ADGRB3: variants seen among roughly 807,000 people sequenced by gnomAD.
ADGRB3 encodes brain-specific angiogenesis inhibitor 3.
In ADGRB3, 37 loss-of-function variants were observed where a neutral mutation model predicts 193.4. The ratio of observed to expected loss-of-function variants is 0.19; its 90% CI spans 0.15 to 0.25. The LOEUF (loss-of-function observed/expected upper bound fraction) is 0.25. Among genes scored for constraint, ADGRB3 ranks in the 10% least tolerant of loss-of-function variants. The pLI is 1.00. For missense variants in ADGRB3, 1,637 were observed against 1,852.9 expected (o/e 0.88, Z 2.14); for synonymous variants, 690 against 644.2 (o/e 1.07, Z -1.08).
rs750305448 is a variant in ADGRB3, at chr6:69,219,843, T to G, written c.2481-13447T>G. ...ATTTTACATCCTTTACCTTAAATAATAATATAAACTATATTGTGCTATATG... is the reference window on the plus strand; with the variant it reads ...ATTTTACATCCTTTACCTTAAATAAGAATATAAACTATATTGTGCTATATG... On this transcript the variant is annotated intron_variant, in intron 17 of 31. Transcript: ENST00000370598. Among the ~76,000 whole-genome samples, 18 of 151,984 alleles carry G rather than the reference T, an allele frequency of 1.2e-4. 1 individual carries two copies. Among genetic ancestry groups the G allele is most frequent in the Admixed American group, 9.2e-4 (14 of 15,222 alleles).
chr6:68,762,224 T>C (rs903598777), intron 3 of ADGRB3, among the ~76,000 whole-genome samples: 6 of 152,150 alleles, frequency 3.9e-5, no homozygotes, highest in African/African-American at 1.2e-4. Context: ...TTCCCCCTTC[T>C]TTTTCTCCCT....
intron 3 of ADGRB3, among the ~76,000 whole-genome samples, chr6:68,761,969 T>G (rs1766401913): frequency 6.6e-6 from 1 of 152,162 alleles, no homozygotes; most frequent in Non-Finnish European, 1.5e-5. Context: ...CATATAATGA[T>G]TTAAACCATA....
chr6:68,983,365 C>T (rs1768981244), intron 10 of ADGRB3, among the ~76,000 whole-genome samples: 1 of 151,234 alleles, frequency 6.6e-6, no homozygotes, highest in Non-Finnish European at 1.5e-5. Flanking sequence ...TTTGAAGTGT[C>T]TTCACGGCCA....
chr6:69,234,106 A>G (rs915747247), intron 18 of ADGRB3, among the ~76,000 whole-genome samples: 1 of 152,206 alleles, frequency 6.6e-6, no homozygotes, highest in African/African-American at 2.4e-5. Flanking sequence ...TATTCTGCCT[A>G]CATTTGGCCT....
At chr6:69,166,262 T>A (rs1775130683) in intron 17 of ADGRB3, among the ~76,000 whole-genome samples, 1 of 152,024 alleles carries the variant, frequency 6.6e-6, no homozygotes, top group African/African-American at 2.4e-5. Flanking sequence ...TTCAGCAGGT[T>A]CGTAGCTCGA....
rs574230581 is a variant in ADGRB3, at chr6:68,917,820, T to C, written c.758-12739T>C. 2.0e-5 allele frequency among the ~76,000 whole-genome samples: 3 copies of C among 152,304 alleles called. No individual in the cohort carries two copies. In the South Asian group the frequency reaches 6.2e-4, roughly 32 times the overall value. ...AAATAAAGACCACTACTAATTGATA[T>C]GCAATTCAAAAGTTCTGAATTCCAT... On this transcript the variant is annotated intron_variant, in intron 3 of 31. Coordinates refer to ENST00000370598, the MANE Select transcript of ADGRB3 (RefSeq NM_001704.3).
intron 17 of ADGRB3, among the ~76,000 whole-genome samples, chr6:69,224,360 T>C (rs991773381): frequency 2.0e-5 from 3 of 152,234 alleles, no homozygotes; most frequent in East Asian, 3.9e-4. Context: ...TGTGCTCTAT[T>C]TTAGTTAAAT....
chr6:68,684,161 G>T (rs952267841), intron 3 of ADGRB3, among the ~76,000 whole-genome samples: 1 of 152,184 alleles, frequency 6.6e-6, no homozygotes, highest in South Asian at 2.1e-4. Flanking sequence ...CAGTCATAGT[G>T]TCCTAGAATT....
At chr6:69,215,193 T>C (rs1395281648) in intron 17 of ADGRB3, among the ~76,000 whole-genome samples, 1 of 152,100 alleles carries the variant, frequency 6.6e-6, no homozygotes, top group East Asian at 1.9e-4. Flanking sequence ...AGAGATACGA[T>C]TGGATTTTGA....
At position 68,644,187 on chromosome 6, in the gene ADGRB3, A is replaced by T. The variant is rs143473616; in HGVS notation, c.757+4755A>T. Among the ~76,000 whole-genome samples the T allele has an allele frequency of 7.6e-4, 116 of 152,232 alleles. 1 individual carries two copies. The highest frequency in any genetic ancestry group is 2.7e-3 in the African/African-American group (111 of 41,582). ...CAGAAGTACATGACTTTGGGAAAGC[A>T]TCTACCTTTTACTTACACCTTTATT... On this transcript the variant is annotated intron_variant, in intron 3 of 31. Coordinates refer to ENST00000370598, the MANE Select transcript of ADGRB3 (RefSeq NM_001704.3).
intron 3 of ADGRB3, among the ~76,000 whole-genome samples, chr6:68,783,530 G>A (rs919592751): frequency 4.0e-5 from 6 of 151,680 alleles, no homozygotes; most frequent in Non-Finnish European, 7.4e-5. Flanking sequence ...CATAAGGGCA[G>A]AATATCAGTA....
intron 3 of ADGRB3, among the ~76,000 whole-genome samples, chr6:68,824,732 T>A (rs183771466): frequency 8.4e-4 from 126 of 150,790 alleles, no homozygotes; most frequent in African/African-American, 2.9e-3. Flanking sequence ...TTTTTCCCCC[T>A]AATCTTCTGT....
At chr6:69,128,089 C>A (rs1042104641) in intron 17 of ADGRB3, among the ~76,000 whole-genome samples, 2 of 152,084 alleles carry the variant, frequency 1.3e-5, no homozygotes, top group East Asian at 1.9e-4. Flanking sequence ...TAGTTACTCT[C>A]TTTGCAGTGA....
intron 17 of ADGRB3, among the ~76,000 whole-genome samples, chr6:69,151,485 ATCAG>A (rs1257023040): frequency 2.6e-5 from 4 of 152,296 alleles, no homozygotes; most frequent in African/African-American, 9.6e-5. Flanking sequence ...GAGAGTTGGC[ATCAG>A]TCATTCAAAT....
intron 17 of ADGRB3, among the ~76,000 whole-genome samples, chr6:69,202,756 C>T (rs1212273602): frequency 6.6e-6 from 1 of 152,068 alleles, no homozygotes; most frequent in Admixed American, 6.6e-5. Context: ...GAACAGAGGG[C>T]ATTTGAGAAA....
intron 8 of ADGRB3, among the ~76,000 whole-genome samples, chr6:68,970,685 G>T (rs1582359643): frequency 6.6e-6 from 1 of 152,182 alleles, no homozygotes; most frequent in Non-Finnish European, 1.5e-5. Flanking sequence ...CCTAGCTCTA[G>T]CACATATTAG....
At chr6:69,115,364 A>T (rs1336245039) in intron 17 of ADGRB3, among the ~76,000 whole-genome samples, 1 of 152,030 alleles carries the variant, frequency 6.6e-6, no homozygotes, top group East Asian at 1.9e-4. Context: ...CAAACACCGC[A>T]TGTTCTCACT....
intron 1 of ADGRB3, among the ~76,000 whole-genome samples, chr6:68,636,577 G>C (rs924905113): frequency 4.0e-5 from 6 of 151,808 alleles, no homozygotes; most frequent in Non-Finnish European, 5.9e-5. Context: ...CAGTCCAAAG[G>C]GGGGTGAGGG....
intron 3 of ADGRB3, among the ~76,000 whole-genome samples, chr6:68,683,180 G>A (rs1039834002): frequency 3.3e-5 from 5 of 152,228 alleles, no homozygotes; most frequent in African/African-American, 1.2e-4. Flanking sequence ...AACATGTAAA[G>A]TTGGGTACAT....
Sources: gnomAD v4.1 joint callset for allele counts (sites outside exome capture counted in the v4.1 genomes callset) on GRCh38, gnomAD v4.1.1 for gene constraint, MANE v1.5 for transcripts, NCBI Gene and HGNC (gene_info 2026-07-23, HGNC 2026-07-21) for gene names.